FKBP1A: variants seen among roughly 807,000 people sequenced by gnomAD.
The protein encoded by FKBP1A is peptidyl-prolyl cis-trans isomerase FKBP1A.
A neutral mutation model predicts 14.2 loss-of-function variants in FKBP1A; 5 were observed. The observed-to-expected ratio is 0.35, with a 90% CI of 0.18 to 0.74. FKBP1A has a LOEUF of 0.74. FKBP1A is among the 30% of genes least tolerant of loss of function. The probability of loss-of-function intolerance (pLI) is 0.56; values close to 1 mark genes in which losing one functional copy is unlikely to be tolerated. For missense variants in FKBP1A, 53 were observed against 138.8 expected (o/e 0.38, Z 3.10); for synonymous variants, 42 against 49.1 (o/e 0.86, Z 0.60).
At chr20:1,384,288 A>C (rs185027489) in intron 2 of FKBP1A, among the ~76,000 whole-genome samples, 2 of 152,298 alleles carry the variant, frequency 1.3e-5, no homozygotes, top group Non-Finnish European at 2.9e-5. Context: ...GTTCTAGCTG[A>C]CTCCTGGGAA....
intron 4 of FKBP1A, chr20:1,371,809 T>C: frequency 8.9e-7 from 1 of 1,121,462 alleles, no homozygotes; most frequent in Non-Finnish European, 1.1e-6. Flanking sequence ...TTTTAATTTA[T>C]AAACTACATA....
At chr20:1,382,830 C>A (rs571109016) in intron 2 of FKBP1A, among the ~76,000 whole-genome samples, 2 of 152,312 alleles carry the variant, frequency 1.3e-5, no homozygotes, top group South Asian at 4.1e-4. Context: ...ACGTCATCTT[C>A]GCCTGGGTCT....
intron 2 of FKBP1A, among the ~76,000 whole-genome samples, chr20:1,376,024 C>T (rs536048636): frequency 6.6e-6 from 1 of 152,184 alleles, no homozygotes; most frequent in African/African-American, 2.4e-5. Flanking sequence ...TTCCCAAAAT[C>T]CCCCATCATC....
chr20:1,392,062 T>C (rs1355381429), intron 2 of FKBP1A, among the ~76,000 whole-genome samples: 1 of 152,224 alleles, frequency 6.6e-6, no homozygotes, highest in Non-Finnish European at 1.5e-5. Flanking sequence ...GCTTGTATTA[T>C]CACTATGTAT....
chr20:1,383,704 T>A (rs1294687), intron 2 of FKBP1A, among the ~76,000 whole-genome samples: 124,106 of 139,568 alleles, frequency 0.89, 54,363 homozygotes, highest in East Asian at 0.98. Flanking sequence ...AAAAAAAAAA[T>A]TTAGCCAGAC....
At position 1,369,999 on chromosome 20, in the gene FKBP1A, G is replaced by A; in HGVS notation, c.*110C>T. On this transcript the variant is annotated 3_prime_UTR_variant, in exon 5 of 5. Coordinates refer to ENST00000400137, the MANE Select transcript of FKBP1A (RefSeq NM_000801.5). ...AGGGCAGATGTCTATACAAAGTGGAGTGGAACATCAGGAAAAGCTCCATAT... is the reference window on the plus strand; with the variant it reads ...AGGGCAGATGTCTATACAAAGTGGAATGGAACATCAGGAAAAGCTCCATAT... 1 of 1,548,928 alleles carries A rather than the reference G, an allele frequency of 6.5e-7. No homozygotes were observed. The highest frequency in any genetic ancestry group is 8.7e-7 in the Non-Finnish European group (1 of 1,146,036).
chr20:1,373,722 T>G (rs535284940), intron 3 of FKBP1A, among the ~76,000 whole-genome samples: 1 of 152,250 alleles, frequency 6.6e-6, no homozygotes, highest in Middle Eastern at 3.4e-3. Flanking sequence ...GATACAGCAC[T>G]CAGTACATAC....
chr20:1,383,350 A>T (rs75193924), intron 2 of FKBP1A, among the ~76,000 whole-genome samples: 3 of 71,698 alleles, frequency 4.2e-5, no homozygotes, highest in African/African-American at 2.6e-4. Context: ...TTTAAGATTA[A>T]AAAAAAAAAA....
intron 4 of FKBP1A, 144 bp downstream of exon 4, chr20:1,371,932 T>G (rs1037561019): frequency 4.9e-6 from 7 of 1,431,982 alleles, no homozygotes; most frequent in Middle Eastern, 2.6e-4. Flanking sequence ...CTAATAACAC[T>G]GAAAGGATAC....
chr20:1,388,747 TGGG>T (rs58068070), intron 2 of FKBP1A, among the ~76,000 whole-genome samples: 49,575 of 104,800 alleles, frequency 0.47, 8,829 homozygotes, highest in East Asian at 0.8. Flanking sequence ...GAGCGTGGGT[TGGG>T]GGGGCGGGGG....
intron 2 of FKBP1A, among the ~76,000 whole-genome samples, chr20:1,384,094 C>T (rs2089645881): frequency 6.6e-6 from 1 of 152,182 alleles, no homozygotes; most frequent in Non-Finnish European, 1.5e-5. Flanking sequence ...GAGCACTCCC[C>T]TCATGCTTTA....
chr20:1,383,684 T>TAAAAAAAAAAAAA (rs34991787), intron 2 of FKBP1A, among the ~76,000 whole-genome samples: 2 of 125,296 alleles, frequency 1.6e-5, no homozygotes, highest in African/African-American at 3.2e-5. Flanking sequence ...TGCAAAAAAT[T>TAAAAAAAAAAAAA]AAAAAAAAAA....
intron 2 of FKBP1A, among the ~76,000 whole-genome samples, chr20:1,391,412 C>T (rs541739845): frequency 6.6e-6 from 1 of 152,324 alleles, no homozygotes; most frequent in South Asian, 2.1e-4. Flanking sequence ...CTATCTAAAA[C>T]ATCAAAAGCA....
intron 2 of FKBP1A, among the ~76,000 whole-genome samples, chr20:1,387,496 C>T (rs1189481438): frequency 1.3e-5 from 2 of 152,136 alleles, no homozygotes; most frequent in African/African-American, 4.8e-5. Flanking sequence ...AAGTCACTTG[C>T]CCCCACTGGG....
intron 4 of FKBP1A, 23 bp from the exon 5 acceptor site, chr20:1,370,095 G>C: frequency 6.5e-7 from 1 of 1,545,222 alleles, no homozygotes; most frequent in Non-Finnish European, 8.7e-7. Context: ...GAAAATCTGT[G>C]AGTTTCCAGC....
At chr20:1,382,533 G>GTT (rs2089628382) in intron 2 of FKBP1A, among the ~76,000 whole-genome samples, 1 of 152,166 alleles carries the variant, frequency 6.6e-6, no homozygotes, top group African/African-American at 2.4e-5. Flanking sequence ...CCTGGCCTGC[G>GTT]TTCTGTGTCC....
chr20:1,392,791 G>C lies in FKBP1A; in HGVS notation c.85+43C>G, dbSNP rs1437799112. ...CGACGGCCAGCCGCACCCGGGCTGC[G>C]GACTGCGGCCCGGGCCCCCTCCCCG... On this transcript the variant is annotated intron_variant, in intron 2 of 4. Coordinates refer to ENST00000400137, the MANE Select transcript of FKBP1A (RefSeq NM_000801.5). 5 of 1,438,142 alleles carry C rather than the reference G, an allele frequency of 3.5e-6. No homozygotes were observed. In the Admixed American group the frequency reaches 1.2e-4, roughly 35 times the overall value. 89.1% of individuals were successfully genotyped at this position (1,438,142 alleles called of 1,614,324 possible). A position where few individuals can be genotyped will look rare whatever the true frequency, so the allele number is the denominator to read the frequency against.
intron 4 of FKBP1A, 87 bp from the exon 5 acceptor site, chr20:1,370,159 C>T: frequency 6.6e-7 from 1 of 1,510,172 alleles, no homozygotes; most frequent in Non-Finnish European, 8.8e-7. Context: ...TCTGCCACGC[C>T]AAATCCCTTC....
At chr20:1,370,901 G>C (rs1299314980) in intron 4 of FKBP1A, 1 of 985,362 alleles carries the variant, frequency 1.0e-6, no homozygotes, top group East Asian at 1.1e-4. Context: ...CCTGTAAAGT[G>C]CCAGGGATTC....
Sources: gnomAD v4.1 joint callset for allele counts (sites outside exome capture counted in the v4.1 genomes callset) on GRCh38, gnomAD v4.1.1 for gene constraint, MANE v1.5 for transcripts, NCBI Gene and HGNC (gene_info 2026-07-23, HGNC 2026-07-21) for gene names.